Variants in PRMT9 observed in about 807,000 individuals in gnomAD.
The protein encoded by PRMT9 is protein arginine methyltransferase 9.
PRMT9 carries 59 observed loss-of-function variants against 83.2 expected under a neutral mutation model. The ratio of observed to expected loss-of-function variants is 0.71; its 90% confidence interval spans 0.57 to 0.88. The LOEUF is 0.88. Among genes scored for constraint, PRMT9 ranks in the 40% least tolerant of loss-of-function variants. PRMT9 has a pLI of 0.00. For synonymous variants in PRMT9, 333 were observed against 353.2 expected (o/e 0.94, Z 0.64); for missense variants, 947 against 1,021.9 (o/e 0.93, Z 1.00).
intron 2 of PRMT9, among the ~76,000 whole-genome samples, chr4:147,678,509 C>A (rs1303167479): frequency 6.6e-6 from 1 of 152,218 alleles, no homozygotes; most frequent in Non-Finnish European, 1.5e-5. Context: ...GCAGGCCTGA[C>A]TGCCATCCTT....
chr4:147,666,823 T>TTA (rs1396136977), intron 6 of PRMT9, among the ~76,000 whole-genome samples: 4 of 126,446 alleles, frequency 3.2e-5, no homozygotes, highest in African/African-American at 1.2e-4. Context: ...GAACTTTGTT[T>TTA]AAAAAAAAAA....
intron 2 of PRMT9, among the ~76,000 whole-genome samples, chr4:147,675,361 T>C (rs1214649812): frequency 6.6e-6 from 1 of 152,158 alleles, no homozygotes; most frequent in Non-Finnish European, 1.5e-5. Context: ...GACTGCACTC[T>C]AACAAAAAAC....
chr4:147,661,518 C>T (rs1470455507), intron 6 of PRMT9, among the ~76,000 whole-genome samples: 1 of 152,098 alleles, frequency 6.6e-6, no homozygotes, highest in Non-Finnish European at 1.5e-5. Flanking sequence ...AGGCCAGGCG[C>T]GGTGGCTCAT....
In PRMT9 at chr4:147,652,945, T is replaced by C. The variant is rs1245230397; in HGVS notation, c.2045+907A>G. Among the ~76,000 whole-genome samples the C allele has an allele frequency of 3.9e-5, 6 of 152,102 alleles. No homozygotes were observed. The East Asian group carries it at 1.2e-3, about 29-fold the overall frequency. ...AACACTATAATGTACCATGTGATAG[T>C]GGATTAGAACTGAAGGTATCAGTAT... On this transcript the variant is annotated intron_variant, in intron 9 of 11. Transcript: ENST00000322396.
intron 9 of PRMT9, among the ~76,000 whole-genome samples, chr4:147,652,070 C>T (rs17675572): frequency 0.033 from 5,089 of 152,128 alleles, 217 homozygotes; most frequent in East Asian, 0.22. Flanking sequence ...TCATGTGTCA[C>T]CATTCTCAAC....
chr4:147,670,238 G>A (rs1208594700), intron 5 of PRMT9, among the ~76,000 whole-genome samples: 4 of 152,170 alleles, frequency 2.6e-5, no homozygotes, highest in Non-Finnish European at 4.4e-5. Flanking sequence ...GGAGTGCAAT[G>A]GCGTGACCTC....
intron 1 of PRMT9, among the ~76,000 whole-genome samples, chr4:147,682,916 C>T (rs888322887): frequency 6.6e-6 from 1 of 152,168 alleles, no homozygotes; most frequent in South Asian, 2.1e-4. Flanking sequence ...CTCCCCTCCC[C>T]CATAACAAAG....
At chr4:147,678,860 T>A (rs1268024909) in intron 2 of PRMT9, among the ~76,000 whole-genome samples, 1 of 152,196 alleles carries the variant, frequency 6.6e-6, no homozygotes, top group Non-Finnish European at 1.5e-5. Context: ...GGCTTGCACC[T>A]GGTTTTCCTT....
chr4:147,651,342 G>C (rs1734084626), intron 9 of PRMT9, among the ~76,000 whole-genome samples: 1 of 152,106 alleles, frequency 6.6e-6, no homozygotes, highest in Non-Finnish European at 1.5e-5. Flanking sequence ...TCTTGGATAT[G>C]ATATCAAAAG....
chr4:147,669,035 G>A (rs1381039789), intron 5 of PRMT9, among the ~76,000 whole-genome samples: 4 of 151,888 alleles, frequency 2.6e-5, no homozygotes, highest in South Asian at 4.1e-4. Flanking sequence ...GCAGTGAGCC[G>A]AGATCACGCC....
At chr4:147,650,067 T>C (rs1194332772) in intron 9 of PRMT9, among the ~76,000 whole-genome samples, 3 of 152,204 alleles carry the variant, frequency 2.0e-5, no homozygotes, top group South Asian at 4.1e-4. Flanking sequence ...ACAACTATCA[T>C]GTTAACATCA....
chr4:147,638,755 A>G lies in PRMT9; in HGVS notation c.2323-8T>C. 1 of 1,594,492 alleles carries G rather than the reference A, an allele frequency of 6.3e-7. No homozygotes were observed. The highest frequency in any genetic ancestry group is 1.3e-5 in the African/African-American group (1 of 74,638). ...AGATTTACAAACGTATACCTATGAA[A>G]ATAAAGAAATTAGGAAAATATCAGA... On this transcript the variant is annotated splice_polypyrimidine_tract_variant and splice_region_variant and intron_variant, in intron 11 of 11. Coordinates refer to ENST00000322396, the MANE Select transcript of PRMT9 (RefSeq NM_138364.4).
At position 147,668,662 on chromosome 4, in the gene PRMT9, T is replaced by C. The variant is rs772931083; in HGVS notation, c.847-17A>G. On this transcript the variant is annotated splice_polypyrimidine_tract_variant and intron_variant, in intron 5 of 11. Transcript: ENST00000322396. The stretch of plus-strand genomic sequence containing the variant: ...ACCTTTGGTCTAAAAAAAATAACAA[T>C]AAGAATTATGTTATCACATGTATGT... 29 of 1,381,638 alleles carry C rather than the reference T, an allele frequency of 2.1e-5. No homozygotes were observed. Among genetic ancestry groups the C allele is most frequent in the Non-Finnish European group, 2.7e-5 (26 of 969,548 alleles). 85.6% of individuals were successfully genotyped at this position (1,381,638 alleles called of 1,614,324 possible). A position where few individuals can be genotyped will look rare whatever the true frequency, so the allele number is the denominator to read the frequency against.
chr4:147,638,818 A>T, intron 11 of PRMT9, 71 bp from the exon 12 acceptor site: 1 of 1,372,240 alleles, frequency 7.3e-7, no homozygotes. Flanking sequence ...CTTTTTAGTT[A>T]CTTTTAAATA....
chr4:147,651,378 G>A (rs540364328), intron 9 of PRMT9, among the ~76,000 whole-genome samples: 1 of 152,086 alleles, frequency 6.6e-6, no homozygotes, highest in East Asian at 1.9e-4. Context: ...AGCAAAAGTA[G>A]ACAAATAGGA....
At chr4:147,679,464 G>A (rs1736313012) in intron 2 of PRMT9, among the ~76,000 whole-genome samples, 1 of 151,828 alleles carries the variant, frequency 6.6e-6, no homozygotes, top group South Asian at 2.1e-4. Context: ...AAAAGTGCTG[G>A]AGGCCAGGCG....
intron 6 of PRMT9, 138 bp downstream of exon 6, chr4:147,668,401 C>A: frequency 1.5e-6 from 1 of 670,158 alleles, no homozygotes; most frequent in South Asian, 1.7e-5. Flanking sequence ...TGCCTGCTTC[C>A]CCTTCTGCCA....
At chr4:147,670,959 T>A (rs1424121982) in intron 4 of PRMT9, among the ~76,000 whole-genome samples, 1 of 152,124 alleles carries the variant, frequency 6.6e-6, no homozygotes, top group African/African-American at 2.4e-5. Flanking sequence ...TCCTTCTCCT[T>A]GGTTTGGAAG....
intron 4 of PRMT9, among the ~76,000 whole-genome samples, chr4:147,671,122 C>T (rs868339092): frequency 9.2e-5 from 14 of 152,138 alleles, no homozygotes; most frequent in Non-Finnish European, 1.5e-4. Flanking sequence ...ACTTCCAACT[C>T]CAACAGTCTA....
Sources: gnomAD v4.1 joint callset for allele counts (sites outside exome capture counted in the v4.1 genomes callset) on GRCh38, gnomAD v4.1.1 for gene constraint, MANE v1.5 for transcripts, NCBI Gene and HGNC (gene_info 2026-07-23, HGNC 2026-07-21) for gene names.